The following EML6 variants were observed in gnomAD, a reference collection of about 807,000 sequenced individuals.
The protein encoded by EML6 is EMAP like 6.
Under a neutral mutation model 240.1 loss-of-function variants are expected in EML6, and 154 were observed. That is an observed-to-expected ratio of 0.64 (90% CI 0.56 to 0.73). The LOEUF (loss-of-function observed/expected upper bound fraction) is 0.73, where lower values mean the gene tolerates loss of function less well. Ranked by LOEUF, EML6 falls within the 30% of genes least tolerant of loss-of-function variation. The pLI is 0.00. For missense variants in EML6, 2,964 were observed against 2,474.6 expected (o/e 1.20, Z -4.20); for synonymous variants, 1,148 against 899.0 (o/e 1.28, Z -4.95).
chr2:54,812,826 A>G (rs1463137713), intron 2 of EML6, among the ~76,000 whole-genome samples: 1 of 152,210 alleles, frequency 6.6e-6, no homozygotes, highest in Non-Finnish European at 1.5e-5. Flanking sequence ...TTTAATTCCA[A>G]GAAGAGAACC....
At chr2:54,855,078 A>G (rs938628262) in intron 11 of EML6, among the ~76,000 whole-genome samples, 8 of 152,336 alleles carry the variant, frequency 5.3e-5, no homozygotes, top group Admixed American at 4.6e-4. Context: ...AGCAATGGAA[A>G]TGTGGATCTA....
At chr2:54,893,665 C>T (rs1236466012) in intron 19 of EML6, among the ~76,000 whole-genome samples, 1 of 152,214 alleles carries the variant, frequency 6.6e-6, no homozygotes, top group Non-Finnish European at 1.5e-5. Flanking sequence ...TTCCAGGTTG[C>T]TGGTAGTACC....
At chr2:54,929,868 T>A (rs1328350312) in intron 28 of EML6, among the ~76,000 whole-genome samples, 3 of 152,218 alleles carry the variant, frequency 2.0e-5, no homozygotes, top group African/African-American at 7.2e-5. Context: ...CAGAGCTTTC[T>A]TTTAAGAAAA....
At position 54,863,765 on chromosome 2, in the gene EML6, T is replaced by C; in HGVS notation, c.1826-18T>C. The C allele has an allele frequency of 7.2e-7, 1 of 1,390,976 alleles. No homozygotes were observed. The allele number at this position is 1,390,976 out of a possible 1,614,324, so 86.2% of individuals were successfully genotyped here. On this transcript the variant is annotated intron_variant, in intron 12 of 41. Coordinates refer to ENST00000356458, the MANE Select transcript of EML6 (RefSeq NM_001039753.4). Reference sequence around the variant, plus strand: ...TCTCAGAATTTTTGCTTGTTTCTTGTGGGTTGTATCTCTGCAGAAGGTGGA... The same window carrying C: ...TCTCAGAATTTTTGCTTGTTTCTTGCGGGTTGTATCTCTGCAGAAGGTGGA...
rs954238756 is a variant in EML6, at chr2:54,892,254, G to C, written c.2540-200G>C. On this transcript the variant is annotated intron_variant, in intron 18 of 41. Coordinates refer to ENST00000356458, the MANE Select transcript of EML6 (RefSeq NM_001039753.4). ...GAGCGCTGCACTTACCACATGTAGGGATTCAGTAAACACTGAGTTAATGAA... is the reference window on the plus strand; with the variant it reads ...GAGCGCTGCACTTACCACATGTAGGCATTCAGTAAACACTGAGTTAATGAA... Among the ~76,000 whole-genome samples the C allele has an allele frequency of 8.5e-5, 13 of 152,112 alleles. 1 individual carries two copies. The highest frequency in any genetic ancestry group is 3.1e-4 in the African/African-American group (13 of 41,410).
chr2:54,901,246 C>T (rs555101664), intron 22 of EML6, among the ~76,000 whole-genome samples: 22 of 152,328 alleles, frequency 1.4e-4, no homozygotes, highest in African/African-American at 5.3e-4. Flanking sequence ...TGCAGTGTGA[C>T]TGTGAGAACA....
chr2:54,750,598 G>C (rs909302950), intron 2 of EML6, among the ~76,000 whole-genome samples: 4 of 152,114 alleles, frequency 2.6e-5, no homozygotes, highest in Non-Finnish European at 5.9e-5. Flanking sequence ...TCCATCTCTT[G>C]GCTGTGTTTC....
In EML6 at chr2:54,859,537, C is replaced by T; in HGVS notation, c.1661C>T (p.Ala554Val). The T allele has an allele frequency of 6.5e-7, 1 of 1,547,976 alleles. No homozygotes were observed. The highest frequency in any genetic ancestry group is 8.7e-7 in the Non-Finnish European group (1 of 1,146,016). The change falls in exon 12 of 42, where the codon GCC (alanine) becomes GTC (valine). Residue 554 changes from alanine (A) to valine (V), a missense_variant. Physicochemically the swap from Ala to Val is moderately conservative, Grantham distance 64. Coordinates refer to ENST00000356458, the MANE Select transcript of EML6 (RefSeq NM_001039753.4). ...CTCTCAAAAAATATTCTTTCAGGAG[C>T]CAAATTTAGAAAGTATGTGGGCCAT... is the stretch of plus-strand genomic sequence containing the variant. ...LFKFPCLKRG[A>V]KFRKYVGHSA...
intron 2 of EML6, among the ~76,000 whole-genome samples, chr2:54,789,472 C>T (rs1186725773): frequency 2.2e-5 from 3 of 136,068 alleles, no homozygotes; most frequent in African/African-American, 8.5e-5. Flanking sequence ...CGAGATTACG[C>T]CACTGCACTC....
intron 16 of EML6, among the ~76,000 whole-genome samples, chr2:54,875,639 T>C (rs934777154): frequency 6.6e-5 from 10 of 152,238 alleles, no homozygotes; most frequent in African/African-American, 1.9e-4. Flanking sequence ...AAAAGACATT[T>C]TTAGTCAAAA....
chr2:54,958,645 C>A (rs1190820909), intron 33 of EML6, among the ~76,000 whole-genome samples: 1 of 152,092 alleles, frequency 6.6e-6, no homozygotes, highest in African/African-American at 2.4e-5. Context: ...TCTTACCAGC[C>A]CTCTTGTGCC....
chr2:54,858,737 A>C (rs1670521107), intron 11 of EML6, among the ~76,000 whole-genome samples: 1 of 152,220 alleles, frequency 6.6e-6, no homozygotes, highest in Admixed American at 6.5e-5. Flanking sequence ...CTTCTTACAA[A>C]TCATTGCCTC....
At chr2:54,822,004 A>C (rs989380778) in intron 5 of EML6, among the ~76,000 whole-genome samples, 3 of 152,132 alleles carry the variant, frequency 2.0e-5, no homozygotes, top group Non-Finnish European at 2.9e-5. Flanking sequence ...TTCCACAAAA[A>C]GAGGGAAACC....
At chr2:54,808,609 G>T (rs978541640) in intron 2 of EML6, among the ~76,000 whole-genome samples, 5 of 152,100 alleles carry the variant, frequency 3.3e-5, no homozygotes, top group South Asian at 4.2e-4. Flanking sequence ...AATGAAATGA[G>T]GCTTAAGAAT....
At chr2:54,789,409 G>A (rs942884917) in intron 2 of EML6, among the ~76,000 whole-genome samples, 9 of 149,782 alleles carry the variant, frequency 6.0e-5, no homozygotes, top group Admixed American at 4.7e-4. Context: ...AGCTACTCGG[G>A]AGGCTGAGGC....
intron 7 of EML6, among the ~76,000 whole-genome samples, chr2:54,833,516 CAATT>C (rs1018175155): frequency 1.2e-4 from 19 of 152,262 alleles, no homozygotes; most frequent in African/African-American, 3.9e-4. Flanking sequence ...ACAGTAAAAA[CAATT>C]AACCCCACTT....
chr2:54,941,502 T>C (rs551014710), intron 28 of EML6, among the ~76,000 whole-genome samples: 70 of 152,338 alleles, frequency 4.6e-4, no homozygotes, highest in African/African-American at 1.5e-3. Context: ...TGTGGGCCTG[T>C]ATTGTTAGAG....
chr2:54,947,505 G>C (rs1434007538), intron 28 of EML6, among the ~76,000 whole-genome samples: 1 of 152,064 alleles, frequency 6.6e-6, no homozygotes, highest in Non-Finnish European at 1.5e-5. Flanking sequence ...CACACAAAAA[G>C]AACCCCCGCA....
intron 16 of EML6, among the ~76,000 whole-genome samples, chr2:54,877,587 A>G (rs1372734339): frequency 6.6e-6 from 1 of 152,238 alleles, no homozygotes. Context: ...AATGTTGGTA[A>G]TGAATAGGAA....
Sources: allele counts gnomAD v4.1 joint callset (sites outside exome capture counted in the v4.1 genomes callset), GRCh38; gene constraint gnomAD v4.1.1; transcripts MANE v1.5; gene names NCBI Gene and HGNC (gene_info 2026-07-23, HGNC 2026-07-21).